Variants in SNX29 observed in about 807,000 individuals in gnomAD.
The protein encoded by SNX29 is sorting nexin-29.
SNX29 carries 78 observed loss-of-function variants against 102.1 expected under a neutral mutation model. That is an observed-to-expected ratio of 0.76 (90% confidence interval 0.64 to 0.92). The LOEUF (loss-of-function observed/expected upper bound fraction) is 0.92, where lower values mean the gene tolerates loss of function less well. SNX29 is among the 40% of genes least tolerant of loss of function. The probability of loss-of-function intolerance (pLI) is 0.00; values close to 1 mark genes in which losing one functional copy is unlikely to be tolerated. For missense variants in SNX29, 1,280 were observed against 1,061.7 expected (o/e 1.21, Z -2.86); for synonymous variants, 580 against 414.5 (o/e 1.40, Z -4.85).
intron 19 of SNX29, among the ~76,000 whole-genome samples, chr16:12,513,996 G>A (rs562392244): frequency 3.6e-4 from 55 of 152,266 alleles, no homozygotes; most frequent in Admixed American, 1.7e-3. Context: ...GAGCCCAGGC[G>A]TCCCCCGTTA....
At chr16:11,996,383 A>G (rs1470443248) in intron 1 of SNX29, among the ~76,000 whole-genome samples, 1 of 152,202 alleles carries the variant, frequency 6.6e-6, no homozygotes, top group African/African-American at 2.4e-5. Flanking sequence ...TGTCTCAGAA[A>G]AAAACGCCAA....
intron 18 of SNX29, among the ~76,000 whole-genome samples, chr16:12,404,752 G>C (rs1301534195): frequency 1.3e-5 from 2 of 152,188 alleles, no homozygotes; most frequent in African/African-American, 4.8e-5. Flanking sequence ...AGTTTCTTCA[G>C]CTGTAAAATG....
In SNX29 at chr16:12,020,433, C is replaced by T. The variant is rs534185805; in HGVS notation, c.123-6887C>T. ...CCCAGGCTGGTTTCAAACTCCTGGC[C>T]TCAAGTGATCTGCCCACCTCGGCCT... On this transcript the variant is annotated intron_variant, in intron 3 of 20. Coordinates refer to ENST00000566228, the MANE Select transcript of SNX29 (RefSeq NM_032167.5). Among the ~76,000 whole-genome samples the T allele has an allele frequency of 1.3e-4, 20 of 152,108 alleles. No individual in the cohort carries two copies. The East Asian group carries it at 3.1e-3, about 23-fold the overall frequency.
rs998066572 is a variant in SNX29, at chr16:11,991,601, G to A, written c.8-7696G>A. 3.3e-5 allele frequency among the ~76,000 whole-genome samples: 5 copies of A among 151,736 alleles called. No homozygotes were observed. The East Asian group carries it at 5.8e-4, about 18-fold the overall frequency. On this transcript the variant is annotated intron_variant, in intron 1 of 20. Coordinates refer to ENST00000566228, the MANE Select transcript of SNX29 (RefSeq NM_032167.5). ...TCTGTCGCCCAGGCTGGAGTGCAGC[G>A]GTGTGATCTCGGCTCACTGCAACCT...
intron 14 of SNX29, among the ~76,000 whole-genome samples, chr16:12,255,102 A>G (rs867886644): frequency 9.8e-5 from 15 of 152,350 alleles, no homozygotes; most frequent in Admixed American, 2.0e-4. Context: ...GATTAAATCA[A>G]GTTAATAAAC....
intron 20 of SNX29, among the ~76,000 whole-genome samples, chr16:12,548,730 G>T (rs995449043): frequency 6.6e-6 from 1 of 152,126 alleles, no homozygotes; most frequent in Non-Finnish European, 1.5e-5. Context: ...GTACATCCAG[G>T]GCTCCAAGGT....
chr16:12,233,727 CT>C (rs1282339061), intron 14 of SNX29, among the ~76,000 whole-genome samples: 29 of 152,136 alleles, frequency 1.9e-4, no homozygotes, highest in Non-Finnish European at 2.9e-4. Flanking sequence ...AACATTTTCA[CT>C]CCCTCACAAA....
At chr16:12,318,396 TAG>T (rs1226793032) in intron 15 of SNX29, among the ~76,000 whole-genome samples, 3 of 152,146 alleles carry the variant, frequency 2.0e-5, no homozygotes, top group Non-Finnish European at 4.4e-5. Flanking sequence ...AACCAGCAGG[TAG>T]AGAGTGTTGG....
chr16:12,363,854 A>G (rs2082374783), intron 16 of SNX29, among the ~76,000 whole-genome samples: 1 of 152,216 alleles, frequency 6.6e-6, no homozygotes. Flanking sequence ...TGGGTTGAGC[A>G]TCCCTAATCC....
chr16:12,559,414 G>C (rs1171653213), intron 20 of SNX29, among the ~76,000 whole-genome samples: 1 of 151,290 alleles, frequency 6.6e-6, no homozygotes, highest in Non-Finnish European at 1.5e-5. Flanking sequence ...GGACCATCTA[G>C]TTGCAGGAAA....
intron 14 of SNX29, among the ~76,000 whole-genome samples, chr16:12,235,209 C>T (rs1381548039): frequency 6.6e-6 from 1 of 152,132 alleles, no homozygotes; most frequent in African/African-American, 2.4e-5. Context: ...CTTTCTCTCT[C>T]TGTCCCTGGT....
intron 14 of SNX29, among the ~76,000 whole-genome samples, chr16:12,253,422 G>A (rs560484610): frequency 7.9e-5 from 12 of 152,332 alleles, no homozygotes; most frequent in East Asian, 3.9e-4. Context: ...GATGTATAGC[G>A]TGTCAGAAGC....
At chr16:12,479,480 T>C (rs2087807141) in intron 19 of SNX29, among the ~76,000 whole-genome samples, 4 of 152,174 alleles carry the variant, frequency 2.6e-5, no homozygotes, top group Admixed American at 2.6e-4. Flanking sequence ...GATTTGAACA[T>C]AAACAGTTAC....
Position 12,569,693 on chromosome 16 carries a change from C to G in SNX29, c.*1064C>G, listed in dbSNP as rs562457775. On this transcript the variant is annotated 3_prime_UTR_variant, in exon 21 of 21. Coordinates refer to ENST00000566228, the MANE Select transcript of SNX29 (RefSeq NM_032167.5). ...GGCTCTCAGAGTACAGGGACCTTGG[C>G]AGGTGGAGAGGAGGATGGGGACCAG... is the stretch of plus-strand genomic sequence containing the variant. 1.3e-5 allele frequency: 3 copies of G among 230,092 alleles called. No homozygotes were observed. The highest frequency in any genetic ancestry group is 6.6e-5 in the African/African-American group (3 of 45,286). 14.3% of individuals were successfully genotyped at this position (230,092 alleles called of 1,614,324 possible). A position where few individuals can be genotyped will look rare whatever the true frequency, so the allele number is the denominator to read the frequency against.
intron 15 of SNX29, among the ~76,000 whole-genome samples, chr16:12,351,020 C>G (rs1457980995): frequency 6.6e-6 from 1 of 152,168 alleles, no homozygotes; most frequent in Non-Finnish European, 1.5e-5. Flanking sequence ...GTGCAAAGAG[C>G]ACAGATAGTA....
At chr16:12,001,437 T>C (rs1266040724) in intron 2 of SNX29, among the ~76,000 whole-genome samples, 1 of 152,092 alleles carries the variant, frequency 6.6e-6, no homozygotes, top group East Asian at 1.9e-4. Flanking sequence ...TCATTATTAT[T>C]ATTATTGTTA....
At chr16:12,523,249 G>T (rs912069861) in intron 19 of SNX29, among the ~76,000 whole-genome samples, 1 of 152,220 alleles carries the variant, frequency 6.6e-6, no homozygotes, top group East Asian at 1.9e-4. Context: ...TGCCCCACCT[G>T]ATGTATGGGG....
Position 12,506,579 on chromosome 16 carries a change from T to C in SNX29, c.2179-18123T>C, listed in dbSNP as rs191671413. ...AATAGCATCAGACTTGAAAAGGCTT[T>C]TGGCTATTTGATTGCCCAAAAAGAA... is the stretch of plus-strand genomic sequence containing the variant. On this transcript the variant is annotated intron_variant, in intron 19 of 20. Transcript: ENST00000566228. Among the ~76,000 whole-genome samples the C allele has an allele frequency of 3.9e-3, 598 of 152,354 alleles. 1 individual carries two copies. The highest frequency in any genetic ancestry group is 6.3e-3 in the Non-Finnish European group (429 of 68,030).
chr16:11,984,803 C>T (rs994946450), intron 1 of SNX29, among the ~76,000 whole-genome samples: 3 of 152,036 alleles, frequency 2.0e-5, no homozygotes, highest in African/African-American at 2.4e-5. Context: ...ACTAAAGGTG[C>T]GCCACCACAC....
Sources: allele counts gnomAD v4.1 joint callset (sites outside exome capture counted in the v4.1 genomes callset), GRCh38; gene constraint gnomAD v4.1.1; transcripts MANE v1.5; gene names NCBI Gene and HGNC (gene_info 2026-07-23, HGNC 2026-07-21).